Variants in TAF4B observed in about 807,000 individuals in gnomAD.
TAF4B encodes the protein transcription initiation factor TFIID subunit 4B.
A neutral mutation model predicts 86.4 loss-of-function variants in TAF4B; 38 were observed. That is an observed-to-expected ratio of 0.44 (90% confidence interval 0.34 to 0.58). TAF4B has a LOEUF of 0.58. Ranked by LOEUF, TAF4B falls within the 20% of genes least tolerant of loss-of-function variation. The pLI is 0.02. For missense variants in TAF4B, 988 were observed against 1,027.6 expected (o/e 0.96, Z 0.53); for synonymous variants, 388 against 391.2 (o/e 0.99, Z 0.10).
intron 9 of TAF4B, among the ~76,000 whole-genome samples, chr18:26,309,058 T>C (rs569048810): frequency 6.6e-6 from 1 of 152,000 alleles, no homozygotes; most frequent in East Asian, 1.9e-4. Flanking sequence ...GCTGATCTAA[T>C]CTAGAATAAA....
At chr18:26,366,428 C>T (rs1201511431) in intron 14 of TAF4B, 3 of 151,910 alleles carry the variant, frequency 2.0e-5, no homozygotes, top group Non-Finnish European at 4.4e-5. Flanking sequence ...TTAAGTTTCT[C>T]TAAAATGAAG....
At chr18:26,386,222 T>C (rs947885704) in intron 14 of TAF4B, among the ~76,000 whole-genome samples, 3 of 152,128 alleles carry the variant, frequency 2.0e-5, no homozygotes, top group Non-Finnish European at 2.9e-5. Flanking sequence ...AGCTGTAATA[T>C]GGCTCTTTCC....
intron 13 of TAF4B, among the ~76,000 whole-genome samples, chr18:26,355,424 G>T (rs906170392): frequency 2.0e-5 from 3 of 152,154 alleles, no homozygotes; most frequent in Non-Finnish European, 4.4e-5. Context: ...TGCCAGATTT[G>T]CATTAATGCT....
chr18:26,256,084 T>C (rs2056080106), intron 1 of TAF4B: 6 of 1,452,952 alleles, frequency 4.1e-6, no homozygotes. Flanking sequence ...CTTTCTTTGG[T>C]TTCAATGTAG....
intron 9 of TAF4B, among the ~76,000 whole-genome samples, chr18:26,301,777 C>T (rs982895444): frequency 6.6e-6 from 1 of 152,130 alleles, no homozygotes; most frequent in African/African-American, 2.4e-5. Flanking sequence ...GTCCATTCAT[C>T]CCTCAAGTTC....
intron 14 of TAF4B, among the ~76,000 whole-genome samples, chr18:26,388,528 T>C (rs1287083294): frequency 6.6e-6 from 1 of 152,212 alleles, no homozygotes; most frequent in Non-Finnish European, 1.5e-5. Context: ...TACAAATTAC[T>C]ATAGTACAAC....
chr18:26,227,263 G>T lies in TAF4B; in HGVS notation c.330G>T (p.Leu110Phe). The change falls in exon 1 of 15, where the codon TTG (leucine) becomes TTT (phenylalanine). Residue 110 changes from leucine (L) to phenylalanine (F), a missense_variant. Physicochemically the swap from Leu to Phe is conservative, Grantham distance 22. Around this residue, in one of 3 missense-constraint regions of TAF4B, gnomAD observed 747 missense variants for 737.9 expected, o/e 1.01. Coordinates refer to ENST00000269142, the MANE Select transcript of TAF4B (RefSeq NM_005640.3). Reference protein sequence around the residue: ...NTTTIQFPANLQLPPGTVLIK... With the variant: ...NTTTIQFPANFQLPPGTVLIK... ...CGACAATCCAGTTTCCTGCTAATTT[G>T]CAGCTTCCTCCAGGTATGTTGATAA... The T allele has an allele frequency of 6.2e-7, 1 of 1,612,860 alleles. No homozygotes were observed. The highest frequency in any genetic ancestry group is 8.5e-7 in the Non-Finnish European group (1 of 1,179,478).
At chr18:26,263,762 C>A (rs948160091) in intron 1 of TAF4B, among the ~76,000 whole-genome samples, 5 of 152,042 alleles carry the variant, frequency 3.3e-5, no homozygotes, top group African/African-American at 1.2e-4. Flanking sequence ...GTGTCCCAGG[C>A]TGGAGTGTAG....
chr18:26,247,475 A>C (rs995487265), intron 1 of TAF4B, among the ~76,000 whole-genome samples: 1 of 152,176 alleles, frequency 6.6e-6, no homozygotes, highest in Non-Finnish European at 1.5e-5. Context: ...CCTATTTTTT[A>C]AATTAAAAAG....
intron 1 of TAF4B, among the ~76,000 whole-genome samples, chr18:26,251,553 C>T (rs974049522): frequency 3.9e-5 from 6 of 152,006 alleles, no homozygotes; most frequent in African/African-American, 7.3e-5. Flanking sequence ...CACTGGACCA[C>T]GATACACTTT....
In TAF4B at chr18:26,357,766, A is replaced by G; in HGVS notation, c.2393A>G (p.Lys798Arg). 1.2e-6 allele frequency: 2 copies of G among 1,612,042 alleles called. No individual in the cohort carries two copies. The highest frequency in any genetic ancestry group is 1.7e-6 in the Non-Finnish European group (2 of 1,178,634). Residue 798 changes from lysine (K) to arginine (R), a missense_variant, in exon 14 of 15, where the codon AAG becomes AGG. Around this residue, in one of 3 missense-constraint regions of TAF4B, gnomAD observed 216 missense variants for 238.4 expected, o/e 0.91. Coordinates refer to ENST00000269142, the MANE Select transcript of TAF4B (RefSeq NM_005640.3). Reference protein sequence around the residue: ...LTALAAIGPRKKRPLESGIEG... With the variant: ...LTALAAIGPRRKRPLESGIEG... ...GCTCTTGCAGCTATTGGACCAAGGA[A>G]GAAGAGACCACTAGAATCTGGAATT...
chr18:26,276,015 CA>C lies in TAF4B; in HGVS notation c.882+979del, dbSNP rs374826135. Among the ~76,000 whole-genome samples the C allele has an allele frequency of 6.8e-3, 516 of 75,932 alleles. 2 individuals carry two copies. Among genetic ancestry groups the C allele is most frequent in the South Asian group, 0.03 (68 of 2,252 alleles). The allele number at this position is 75,932 out of a possible 152,430, so 49.8% of individuals were successfully genotyped here. ...CGGGCAACAGAGCAAGACTCTGTCT[CA>C]AAAAAAAAAAAAAAAAGAAAAGAAA... On this transcript the variant is annotated intron_variant, in intron 5 of 14. Transcript: ENST00000269142.
intron 1 of TAF4B, among the ~76,000 whole-genome samples, chr18:26,242,450 C>T (rs1173458343): frequency 9.9e-5 from 15 of 152,272 alleles, no homozygotes; most frequent in Admixed American, 9.2e-4. Context: ...GATCTTCCTC[C>T]ATCCCTTTAT....
At chr18:26,255,623 G>C in intron 1 of TAF4B, 2 of 556,286 alleles carry the variant, frequency 3.6e-6, no homozygotes, top group Non-Finnish European at 2.9e-6. Flanking sequence ...AAAAAAGAGG[G>C]TCAGTTTGTT....
intron 13 of TAF4B, among the ~76,000 whole-genome samples, chr18:26,346,738 A>AATATATATATATATATGTGTGT (rs2057182769): frequency 1.1e-5 from 1 of 90,528 alleles, no homozygotes; most frequent in Non-Finnish European, 2.2e-5. Flanking sequence ...GCTAGCCAAG[A>AATATATATATATATATGTGTGT]ATATATATAT....
At chr18:26,236,179 C>T (rs558372164) in intron 1 of TAF4B, among the ~76,000 whole-genome samples, 30 of 152,310 alleles carry the variant, frequency 2.0e-4, no homozygotes, top group Admixed American at 7.2e-4. Context: ...TAATATCTCC[C>T]TCCCTCATAA....
At chr18:26,375,387 T>C (rs1217096854) in intron 14 of TAF4B, among the ~76,000 whole-genome samples, 1 of 152,202 alleles carries the variant, frequency 6.6e-6, no homozygotes, top group Non-Finnish European at 1.5e-5. Context: ...ATATAACTTC[T>C]TAGGTGGTCA....
At chr18:26,309,125 A>G (rs1275311086) in intron 9 of TAF4B, among the ~76,000 whole-genome samples, 2 of 151,664 alleles carry the variant, frequency 1.3e-5, no homozygotes, top group African/African-American at 4.8e-5. Flanking sequence ...TATAATGAAC[A>G]TATTTCTGAT....
chr18:26,236,676 C>A (rs913970342), intron 1 of TAF4B, among the ~76,000 whole-genome samples: 9 of 152,184 alleles, frequency 5.9e-5, no homozygotes, highest in African/African-American at 2.2e-4. Context: ...ATTTTCTGTC[C>A]TCTCTGAACC....
Sources: allele counts gnomAD v4.1 joint callset (sites outside exome capture counted in the v4.1 genomes callset), GRCh38; gene constraint gnomAD v4.1.1; regional missense constraint gnomAD v4.1.1; transcripts MANE v1.5; gene names NCBI Gene and HGNC (gene_info 2026-07-23, HGNC 2026-07-21).